ABCB10: variants seen among roughly 807,000 people sequenced by gnomAD.
The protein encoded by ABCB10 is ATP-binding cassette sub-family B member 10, mitochondrial.
In ABCB10, 54 loss-of-function variants were observed where a neutral mutation model predicts 65.4. The observed-to-expected ratio is 0.83, with a 90% CI of 0.66 to 1.04. ABCB10 has a LOEUF of 1.04. Among genes scored for constraint, ABCB10 ranks in the 50% least tolerant of loss-of-function variants. The pLI is 0.00. For missense variants in ABCB10, 846 were observed against 976.6 expected, an observed-to-expected ratio of 0.87 and a Z score of 1.78; for synonymous variants, 418 against 406.5, an observed-to-expected ratio of 1.03 and a Z score of -0.34.
intron 8 of ABCB10, 64 bp from the exon 9 acceptor site, chr1:229,527,372 A>G: frequency 7.2e-7 from 1 of 1,393,394 alleles, no homozygotes; most frequent in Non-Finnish European, 1.0e-6. Context: ...CCAACACAGA[A>G]AGGATCCGGT....
chr1:229,521,758 T>C (rs1367262080), intron 10 of ABCB10, 123 bp from the exon 11 acceptor site: 3 of 883,286 alleles, frequency 3.4e-6, no homozygotes, highest in Admixed American at 2.8e-5. Context: ...CTGACACAGA[T>C]AGACCAGAAA....
At chr1:229,549,101 C>T in intron 2 of ABCB10, 133 bp downstream of exon 2, 1 of 900,380 alleles carries the variant, frequency 1.1e-6, no homozygotes, top group Non-Finnish European at 1.8e-6. Flanking sequence ...GGACTCTATC[C>T]CCACTTAATG....
At chr1:229,525,641 C>G (rs1367098740) in intron 10 of ABCB10, among the ~76,000 whole-genome samples, 3 of 152,186 alleles carry the variant, frequency 2.0e-5, no homozygotes, top group Non-Finnish European at 4.4e-5. Context: ...GAGATCAAGA[C>G]TATCCTGGCT....
At chr1:229,546,747 G>A (rs1475696853) in intron 3 of ABCB10, among the ~76,000 whole-genome samples, 1 of 151,778 alleles carries the variant, frequency 6.6e-6, no homozygotes, top group African/African-American at 2.4e-5. Context: ...AGCCAGACTT[G>A]GTGGTGTGTG....
chr1:229,542,458 TGG>T (rs766710603), intron 3 of ABCB10, 87 bp from the exon 4 acceptor site: 4 of 1,470,160 alleles, frequency 2.7e-6, no homozygotes, highest in Non-Finnish European at 3.7e-6. Context: ...AGTGTGTGTG[TGG>T]GTGTGTCTGT....
chr1:229,519,358 T>G (rs928647672), intron 11 of ABCB10, among the ~76,000 whole-genome samples: 4 of 152,282 alleles, frequency 2.6e-5, no homozygotes, highest in Non-Finnish European at 5.9e-5. Context: ...AGAGACTATT[T>G]TAAATGATCA....
intron 3 of ABCB10, among the ~76,000 whole-genome samples, chr1:229,547,044 G>A (rs1200220690): frequency 3.3e-5 from 5 of 152,148 alleles, no homozygotes; most frequent in African/African-American, 9.7e-5. Flanking sequence ...GGTAAGGCAA[G>A]CAGACAGGAC....
intron 5 of ABCB10, among the ~76,000 whole-genome samples, chr1:229,540,155 T>C (rs1662810010): frequency 6.6e-6 from 1 of 152,246 alleles, no homozygotes; most frequent in Non-Finnish European, 1.5e-5. Flanking sequence ...TATTTCAGTG[T>C]CCTATTTGAG....
intron 11 of ABCB10, among the ~76,000 whole-genome samples, chr1:229,520,917 A>C (rs1662298780): frequency 6.6e-6 from 1 of 152,262 alleles, no homozygotes; most frequent in Non-Finnish European, 1.5e-5. Context: ...GACTGACTGC[A>C]AGTGGGCACA....
intron 6 of ABCB10, among the ~76,000 whole-genome samples, chr1:229,539,050 A>C (rs1571969420): frequency 1.3e-5 from 2 of 152,226 alleles, no homozygotes; most frequent in East Asian, 3.8e-4. Flanking sequence ...GTGCAAAAGG[A>C]ATTTTATTCT....
chr1:229,527,625 C>T (rs1662477398), intron 8 of ABCB10, among the ~76,000 whole-genome samples: 1 of 152,236 alleles, frequency 6.6e-6, no homozygotes, highest in Admixed American at 6.5e-5. Flanking sequence ...AGGATTCCAC[C>T]GATAAGATGC....
chr1:229,553,222 C>T (rs139319411), intron 1 of ABCB10, among the ~76,000 whole-genome samples: 20 of 152,182 alleles, frequency 1.3e-4, no homozygotes, highest in African/African-American at 4.1e-4. Flanking sequence ...GCGATTCTCC[C>T]GCCTCAGCCT....
rs34673510 is a variant in ABCB10, at chr1:229,555,979, C to CAAAAA, written c.517+2152_517+2156dup. On this transcript the variant is annotated intron_variant, in intron 1 of 12. Transcript: ENST00000344517. ...AATATGTATTTATCTGTTTGAAAAG[C>CAAAAA]AAAAAAAAAAAAAAAAATAGTGTGC... Among the ~76,000 whole-genome samples, 5 of 124,234 alleles carry CAAAAA rather than the reference C, an allele frequency of 4.0e-5. No homozygotes were observed. In the South Asian group the frequency reaches 7.6e-4, roughly 19 times the overall value. 81.5% of individuals were successfully genotyped at this position (124,234 alleles called of 152,430 possible). A position where few individuals can be genotyped will look rare whatever the true frequency, so the allele number is the denominator to read the frequency against.
At chr1:229,527,383 G>T (rs576728886) in intron 8 of ABCB10, 75 bp from the exon 9 acceptor site, 1 of 1,341,492 alleles carries the variant, frequency 7.5e-7, no homozygotes, top group Non-Finnish European at 1.1e-6. Context: ...AGGATCCGGT[G>T]GGAAAATTCC....
chr1:229,544,513 C>T (rs146077088), intron 3 of ABCB10, among the ~76,000 whole-genome samples: 76 of 149,916 alleles, frequency 5.1e-4, no homozygotes, highest in African/African-American at 1.8e-3. Context: ...GTATGCCATA[C>T]ACAATATCAG....
At chr1:229,552,281 A>G (rs753899395) in intron 1 of ABCB10, among the ~76,000 whole-genome samples, 3 of 152,238 alleles carry the variant, frequency 2.0e-5, no homozygotes, top group Non-Finnish European at 4.4e-5. Context: ...ATATTAATGA[A>G]TACTTTAGAC....
At chr1:229,523,451 A>G (rs1038493656) in intron 10 of ABCB10, among the ~76,000 whole-genome samples, 1 of 152,252 alleles carries the variant, frequency 6.6e-6, no homozygotes, top group Non-Finnish European at 1.5e-5. Flanking sequence ...AGAGAGGTTC[A>G]TCCTCTACAT....
Position 229,527,311 on chromosome 1 carries a change from T to C in ABCB10, c.1646-3A>G. On this transcript the variant is annotated splice_region_variant and splice_polypyrimidine_tract_variant and intron_variant, in intron 8 of 12. Coordinates refer to ENST00000344517, the MANE Select transcript of ABCB10 (RefSeq NM_012089.3). ...ATGGCCATCAAGACTAATAGTTCCT[T>C]GTTGAGAGGAAAGGAAAGGAAAGAG... The C allele has an allele frequency of 6.8e-7, 1 of 1,471,836 alleles. No homozygotes were observed. The highest frequency in any genetic ancestry group is 8.9e-7 in the Non-Finnish European group (1 of 1,117,406). 91.2% of individuals were successfully genotyped at this position (1,471,836 alleles called of 1,614,324 possible).
chr1:229,535,038 T>TAAAAAAAAAAAAAAAAAAAAAAA (rs71173739), intron 6 of ABCB10: 3 of 47,500 alleles, frequency 6.3e-5, no homozygotes, highest in African/African-American at 2.3e-4. Flanking sequence ...AGACTCCCTT[T>TAAAAAAAAAAAAAAAAAAAAAAA]AAAAAAAAAA....
Sources: allele counts gnomAD v4.1 joint callset (sites outside exome capture counted in the v4.1 genomes callset), GRCh38; gene constraint gnomAD v4.1.1; transcripts MANE v1.5; gene names NCBI Gene and HGNC (gene_info 2026-07-23, HGNC 2026-07-21).